Variants in NACC1 observed in about 807,000 individuals in gnomAD.
NACC1 encodes the protein nucleus accumbens-associated protein 1.
NACC1 carries 6 observed loss-of-function variants against 41.7 expected under a neutral mutation model. The observed-to-expected ratio is 0.14, with a 90% CI of 0.08 to 0.28. The LOEUF (loss-of-function observed/expected upper bound fraction) is 0.28. NACC1 is among the 10% of genes least tolerant of loss of function. The pLI is 1.00. For synonymous variants in NACC1, 338 were observed against 330.6 expected (o/e 1.02, Z -0.24); for missense variants, 434 against 763.7 (o/e 0.57, Z 5.09).
At position 13,133,309 on chromosome 19, in the gene NACC1, TGGAATCCCAGCACTCCA is replaced by T. The variant is rs1222717580; in HGVS notation, c.-8-1889_-8-1873del. On this transcript the variant is annotated intron_variant, in intron 1 of 5. Coordinates refer to ENST00000292431, the MANE Select transcript of NACC1 (RefSeq NM_052876.4). ...GAGGCCGGGCGTGATAGCTCACACC[TGGAATCCCAGCACTCCA>T]GCCTGGGCGACAGAGTGAGACTCCA... Among the ~76,000 whole-genome samples, 10 of 151,366 alleles carry T rather than the reference TGGAATCCCAGCACTCCA, an allele frequency of 6.6e-5. No individual in the cohort carries two copies. In the East Asian group the frequency reaches 1.9e-3, roughly 29 times the overall value.
intron 1 of NACC1, among the ~76,000 whole-genome samples, chr19:13,120,549 G>A (rs1196316052): frequency 6.6e-6 from 1 of 152,206 alleles, no homozygotes; most frequent in Non-Finnish European, 1.5e-5. Context: ...TCCAACCTGG[G>A]CCCTGCCCTT....
chr19:13,117,159 G>A (rs1466058647), upstream of NACC1: 1 of 152,184 alleles, frequency 6.6e-6, no homozygotes, highest in Non-Finnish European at 1.5e-5. Flanking sequence ...AAGATTAAAT[G>A]ACAGATTCCT....
chr19:13,133,261 A>G (rs1181262929), intron 1 of NACC1, among the ~76,000 whole-genome samples: 2 of 151,948 alleles, frequency 1.3e-5, no homozygotes, highest in African/African-American at 4.8e-5. Context: ...ACTGCCCTCT[A>G]GAGACCCTAT....
At chr19:13,127,296 G>A (rs1255686937) in intron 1 of NACC1, among the ~76,000 whole-genome samples, 1 of 110,344 alleles carries the variant, frequency 9.1e-6, no homozygotes. Context: ...GGGAGTTGGA[G>A]ACCAGCCCAG....
chr19:13,137,226 C>A lies in NACC1; in HGVS notation c.1121-45C>A. On this transcript the variant is annotated intron_variant, in intron 3 of 5. Coordinates refer to ENST00000292431, the MANE Select transcript of NACC1 (RefSeq NM_052876.4). This position sits in a 1 kb window ranked among gnomAD's most constrained non-coding sequence, Gnocchi z 6.1. The stretch of plus-strand genomic sequence containing the variant: ...AGGCCTGGTATCATGGGGGCTGTGG[C>A]GGTTTGGGGGCACCCCAGGCCATCC... 1.3e-6 allele frequency: 2 copies of A among 1,573,686 alleles called. No homozygotes were observed. Among genetic ancestry groups the A allele is most frequent in the South Asian group, 1.1e-5 (1 of 89,938 alleles).
Position 13,138,132 on chromosome 19 carries a change from C to T in NACC1, c.1325-15C>T. 1 of 1,610,976 alleles carries T rather than the reference C, an allele frequency of 6.2e-7. No homozygotes were observed. Among genetic ancestry groups the T allele is most frequent in the Non-Finnish European group, 8.5e-7 (1 of 1,177,922 alleles). ...CTGGCCCCCGTGCCAAGGCCGCACCCACCCTGCCCCACAGACTACTGCCAG... is the reference window on the plus strand; with the variant it reads ...CTGGCCCCCGTGCCAAGGCCGCACCTACCCTGCCCCACAGACTACTGCCAG... On this transcript the variant is annotated splice_polypyrimidine_tract_variant and intron_variant, in intron 5 of 5. Transcript: ENST00000292431. The surrounding 1 kb of genome is among the most constrained non-coding windows in gnomAD (Gnocchi z 5.7).
chr19:13,124,898 G>A (rs983968268), intron 1 of NACC1, among the ~76,000 whole-genome samples: 29 of 151,994 alleles, frequency 1.9e-4, no homozygotes, highest in African/African-American at 7.0e-4. Context: ...GGGCAACATA[G>A]TGAGACCTCA....
Position 13,136,047 on chromosome 19 carries a change from T to C in NACC1, c.840T>C (p.Asn280=), listed in dbSNP as rs530200611. 4.3e-6 allele frequency: 7 copies of C among 1,613,976 alleles called. No homozygotes were observed. The highest frequency in any genetic ancestry group is 8.5e-7 in the Non-Finnish European group (1 of 1,179,954). ...YTSDSPGSYH[N]EEDEEEDGGE... is the part of the protein sequence containing the mutation. Reference sequence around the variant, plus strand: ...GCGACAGCCCTGGCTCCTACCACAATGAGGAGGACGAGGAGGAGGATGGTG... The same window carrying C: ...GCGACAGCCCTGGCTCCTACCACAACGAGGAGGACGAGGAGGAGGATGGTG... Residue 280 remains asparagine (N), a synonymous_variant, in exon 2 of 6, where the codon AAT becomes AAC. Transcript: ENST00000292431. The surrounding 1 kb of genome is among the most constrained non-coding windows in gnomAD (Gnocchi z 5.5).
rs1415868321 is a variant in NACC1 at position 13,136,720 on chromosome 19, C to T, written c.1120+315C>T. Among the ~76,000 whole-genome samples, 2 of 152,168 alleles carry T rather than the reference C, an allele frequency of 1.3e-5. No homozygotes were observed. Among genetic ancestry groups the T allele is most frequent in the African/African-American group, 4.8e-5 (2 of 41,434 alleles). On this transcript the variant is annotated intron_variant, in intron 3 of 5. Transcript: ENST00000292431. This position sits in a 1 kb window ranked among gnomAD's most constrained non-coding sequence, Gnocchi z 5.5. ...TACCTAGGTTAGGAATTTGGACAGT[C>T]ACAGGGGCGAATGCCTGTAGTCCTA...
chr19:13,130,866 A>C (rs1329361198), intron 1 of NACC1, among the ~76,000 whole-genome samples: 2 of 151,928 alleles, frequency 1.3e-5, no homozygotes, highest in African/African-American at 4.8e-5. Flanking sequence ...TGCTGCCCTG[A>C]CCCTGGGGCT....
At position 13,136,785 on chromosome 19, in the gene NACC1, A is replaced by T. The variant is rs1391947809; in HGVS notation, c.1120+380A>T. On this transcript the variant is annotated intron_variant, in intron 3 of 5. Transcript: ENST00000292431. This position sits in a 1 kb window ranked among gnomAD's most constrained non-coding sequence, Gnocchi z 5.5. ...TGAGGTGGGAGGATCCCTTGAGCCC[A>T]GGAGGTCAAGGCTGCAGTGAGCTGT... Among the ~76,000 whole-genome samples, 1 of 152,118 alleles carries T rather than the reference A, an allele frequency of 6.6e-6. No homozygotes were observed. The highest frequency in any genetic ancestry group is 1.5e-5 in the Non-Finnish European group (1 of 67,992).
At chr19:13,128,594 C>T (rs922097847) in intron 1 of NACC1, among the ~76,000 whole-genome samples, 1 of 152,204 alleles carries the variant, frequency 6.6e-6, no homozygotes. Context: ...GGCCACACTC[C>T]CCATCCACTA....
chr19:13,133,210 T>G (rs1358024695), intron 1 of NACC1, among the ~76,000 whole-genome samples: 1 of 152,076 alleles, frequency 6.6e-6, no homozygotes, highest in Non-Finnish European at 1.5e-5. Context: ...TCTGCCTTAC[T>G]CAGGGAAGCC....
chr19:13,118,106 AG>A (rs1340918540), upstream of NACC1: 1 of 152,078 alleles, frequency 6.6e-6, no homozygotes, highest in African/African-American at 2.4e-5. Context: ...AGGATCCCCC[AG>A]GGGCATAGAG....
rs1284751592 is a variant in NACC1, at chr19:13,125,770, T to C, written c.-9+7316T>C. On this transcript the variant is annotated intron_variant, in intron 1 of 5. Coordinates refer to ENST00000292431, the MANE Select transcript of NACC1 (RefSeq NM_052876.4). ...TCTTTTTTATTTTGAGATGGAGTCT[T>C]GCTCTGTTGCCCAGCCTAGAGTGCA... is the stretch of plus-strand genomic sequence containing the variant. Among the ~76,000 whole-genome samples, 3 of 151,828 alleles carry C rather than the reference T, an allele frequency of 2.0e-5. No homozygotes were observed. The East Asian group carries it at 5.8e-4, about 29-fold the overall frequency.
At chr19:13,131,164 G>T (rs1239362728) in intron 1 of NACC1, among the ~76,000 whole-genome samples, 1 of 152,194 alleles carries the variant, frequency 6.6e-6, no homozygotes, top group Admixed American at 6.6e-5. Context: ...AAGCACAGCT[G>T]GTCCTTTTAG....
At chr19:13,127,418 C>G (rs1252456094) in intron 1 of NACC1, among the ~76,000 whole-genome samples, 7 of 107,892 alleles carry the variant, frequency 6.5e-5, no homozygotes, top group Non-Finnish European at 1.0e-4. Context: ...CTGGATGGGC[C>G]GGGTGCCGTG....
rs376557701 is a variant in NACC1 at position 13,138,352 on chromosome 19, C to T, written c.1530C>T (p.Phe510=). ...EPDMMGVEHG[F]ETASHEGEAG... is the part of the protein sequence containing the mutation. ...ACATGATGGGTGTGGAGCATGGCTT[C>T]GAGACCGCCAGCCACGAGGGCGAGG... The change falls in exon 6 of 6, where the codon TTC becomes TTT. Residue 510 remains phenylalanine (F), a synonymous_variant. Transcript: ENST00000292431. This position sits in a 1 kb window ranked among gnomAD's most constrained non-coding sequence, Gnocchi z 5.7. 23 of 1,613,682 alleles carry T rather than the reference C, an allele frequency of 1.4e-5. No individual in the cohort carries two copies. Among genetic ancestry groups the T allele is most frequent in the Middle Eastern group, 1.6e-4 (1 of 6,062 alleles).
intron 1 of NACC1, among the ~76,000 whole-genome samples, chr19:13,126,147 G>A (rs1418267028): frequency 2.0e-5 from 3 of 150,602 alleles, no homozygotes; most frequent in African/African-American, 7.4e-5. Flanking sequence ...GAGTTCAAGC[G>A]ATTCTCCTGC....
Sources: allele counts gnomAD v4.1 joint callset (sites outside exome capture counted in the v4.1 genomes callset), GRCh38; gene constraint gnomAD v4.1.1; non-coding constraint Gnocchi (gnomAD v3.1); transcripts MANE v1.5; gene names NCBI Gene and HGNC (gene_info 2026-07-23, HGNC 2026-07-21).